CNOT4: variants seen among roughly 807,000 people sequenced by gnomAD.
CNOT4 encodes the protein CCR4-associated factor 4.
A neutral mutation model predicts 73.8 loss-of-function variants in CNOT4; 8 were observed. The observed-to-expected ratio is 0.11, with a 90% CI of 0.06 to 0.20. The LOEUF (loss-of-function observed/expected upper bound fraction) is 0.20, where lower values mean the gene tolerates loss of function less well. CNOT4 is among the 10% of genes least tolerant of loss of function. The probability of loss-of-function intolerance (pLI) is 1.00; values close to 1 mark genes in which losing one functional copy is unlikely to be tolerated. For missense variants in CNOT4, 564 were observed against 883.4 expected, an observed-to-expected ratio of 0.64 and a Z score of 4.58; for synonymous variants, 293 against 321.1, an observed-to-expected ratio of 0.91 and a Z score of 0.94.
intron 10 of CNOT4, among the ~76,000 whole-genome samples, chr7:135,372,055 A>G (rs183753878): frequency 1.3e-4 from 20 of 152,332 alleles, no homozygotes; most frequent in African/African-American, 4.8e-4. Context: ...TATTCACCCA[A>G]TATGACTTCC....
intron 2 of CNOT4, among the ~76,000 whole-genome samples, chr7:135,429,956 C>A (rs1032379689): frequency 7.2e-5 from 11 of 152,086 alleles, no homozygotes; most frequent in African/African-American, 2.7e-4. Context: ...TTTATGGGGG[C>A]AAAATACCAC....
At position 135,439,988 on chromosome 7, in the gene CNOT4, GA is replaced by G. The variant is rs1001052108; in HGVS notation, c.-92-1566del. ...ATCAATAAATTATTGAAGTGTTAAA[GA>G]AAAAAAAAACAGATTTTTTTAAAAA... is the stretch of plus-strand genomic sequence containing the variant. On this transcript the variant is annotated intron_variant, in intron 1 of 11. Transcript: ENST00000541284. 2.2e-3 allele frequency among the ~76,000 whole-genome samples: 296 copies of G among 134,480 alleles called. 1 individual carries two copies. The highest frequency in any genetic ancestry group is 0.011 in the Middle Eastern group (3 of 266). 88.2% of individuals were successfully genotyped at this position (134,480 alleles called of 152,430 possible).
At chr7:135,391,525 A>G (rs1348687974) in intron 10 of CNOT4, among the ~76,000 whole-genome samples, 1 of 152,044 alleles carries the variant, frequency 6.6e-6, no homozygotes, top group African/African-American at 2.4e-5. Context: ...CTACATTTTT[A>G]GCATCTCTGA....
chr7:135,436,088 T>G (rs1799137816), intron 2 of CNOT4, among the ~76,000 whole-genome samples: 1 of 152,160 alleles, frequency 6.6e-6, no homozygotes, highest in Non-Finnish European at 1.5e-5. Flanking sequence ...TCCAATGTCC[T>G]TCTTGTCTTT....
At chr7:135,397,640 C>A (rs1796770137) in intron 8 of CNOT4, among the ~76,000 whole-genome samples, 1 of 149,314 alleles carries the variant, frequency 6.7e-6, no homozygotes, top group Non-Finnish European at 1.5e-5. Context: ...AGCAATAAGA[C>A]AAGATGACAT....
In CNOT4 at chr7:135,459,249, T is replaced by C. The variant is rs191906504; in HGVS notation, c.-92-20826A>G. On this transcript the variant is annotated intron_variant, in intron 1 of 11. Coordinates refer to ENST00000541284, the MANE Select transcript of CNOT4 (RefSeq NM_001190850.2). ...GTAGGTCTCAACAGCGGGCTTAACG[T>C]TCCCTAAACCATGCTGTAAACAGAT... Among the ~76,000 whole-genome samples the C allele has an allele frequency of 1.2e-3, 180 of 151,948 alleles. 2 individuals carry two copies. In the South Asian group the frequency reaches 0.013, roughly 11 times the overall value.
intron 10 of CNOT4, among the ~76,000 whole-genome samples, chr7:135,380,595 T>C (rs1479045528): frequency 6.6e-6 from 1 of 152,232 alleles, no homozygotes; most frequent in African/African-American, 2.4e-5. Flanking sequence ...TTGCAATGAA[T>C]TCACAGTTGT....
chr7:135,372,580 G>A (rs1795276219), intron 10 of CNOT4, among the ~76,000 whole-genome samples: 1 of 142,242 alleles, frequency 7.0e-6, no homozygotes, highest in African/African-American at 2.6e-5. Flanking sequence ...TTTTGGAGAC[G>A]GAGTCTCGCT....
At chr7:135,446,703 G>T (rs990459222) in intron 1 of CNOT4, among the ~76,000 whole-genome samples, 1 of 151,452 alleles carries the variant, frequency 6.6e-6, no homozygotes, top group Admixed American at 6.6e-5. Flanking sequence ...GCTATTTATA[G>T]ATATGAAATA....
intron 10 of CNOT4, among the ~76,000 whole-genome samples, chr7:135,393,224 A>G (rs938348004): frequency 1.5e-4 from 23 of 152,236 alleles, no homozygotes; most frequent in Admixed American, 8.5e-4. Context: ...CTTCAAGGGT[A>G]GCAGTACAAA....
chr7:135,401,703 A>G (rs1048810883), intron 7 of CNOT4, among the ~76,000 whole-genome samples: 2 of 152,202 alleles, frequency 1.3e-5, no homozygotes, highest in African/African-American at 4.8e-5. Flanking sequence ...GATAGAAACA[A>G]AGAAAAGCAG....
intron 1 of CNOT4, among the ~76,000 whole-genome samples, chr7:135,472,676 T>A (rs1801713458): frequency 6.7e-6 from 1 of 149,034 alleles, no homozygotes. Flanking sequence ...CAAAGAAGTT[T>A]AAATATGCAA....
intron 10 of CNOT4, among the ~76,000 whole-genome samples, chr7:135,392,534 G>A (rs1025602778): frequency 6.6e-6 from 1 of 152,076 alleles, no homozygotes; most frequent in African/African-American, 2.4e-5. Flanking sequence ...ATGCTATCTT[G>A]AATGGAAGGA....
At chr7:135,369,042 C>T (rs1234564136) in intron 10 of CNOT4, among the ~76,000 whole-genome samples, 1 of 152,216 alleles carries the variant, frequency 6.6e-6, no homozygotes, top group Admixed American at 6.5e-5. Context: ...ATAAAAGCTT[C>T]ACCTGAAAGA....
chr7:135,451,513 G>A (rs937080939), intron 1 of CNOT4, among the ~76,000 whole-genome samples: 7 of 152,010 alleles, frequency 4.6e-5, no homozygotes, highest in African/African-American at 1.7e-4. Flanking sequence ...GGGTGGTCTC[G>A]AACTCCTGGA....
chr7:135,366,967 T>C (rs989149594), intron 10 of CNOT4, among the ~76,000 whole-genome samples: 3 of 152,156 alleles, frequency 2.0e-5, no homozygotes, highest in African/African-American at 4.8e-5. Flanking sequence ...ATTCCATTCT[T>C]TGAAACACAT....
chr7:135,435,156 T>A (rs751321458), intron 2 of CNOT4, among the ~76,000 whole-genome samples: 2 of 152,214 alleles, frequency 1.3e-5, no homozygotes, highest in Non-Finnish European at 2.9e-5. Flanking sequence ...TTTTCTCTAT[T>A]CTAGATGTTC....
intron 10 of CNOT4, among the ~76,000 whole-genome samples, chr7:135,376,939 TA>T (rs1372913782): frequency 1.3e-5 from 2 of 152,210 alleles, no homozygotes; most frequent in Non-Finnish European, 2.9e-5. Flanking sequence ...GAAGAAAAAT[TA>T]TTTCAGAAAA....
chr7:135,509,711 T>G, intron 1 of CNOT4, 178 bp downstream of exon 1: 18 of 214,978 alleles, frequency 8.4e-5, no homozygotes, highest in Middle Eastern at 1.0e-3. Flanking sequence ...TGCTGTGGCG[T>G]AAAGGGGAGA....
Sources: allele counts gnomAD v4.1 joint callset (sites outside exome capture counted in the v4.1 genomes callset), GRCh38; gene constraint gnomAD v4.1.1; transcripts MANE v1.5; gene names NCBI Gene and HGNC (gene_info 2026-07-23, HGNC 2026-07-21).